The following TNKS variants were observed in gnomAD, a reference collection of about 807,000 sequenced individuals.
The protein encoded by TNKS is poly [ADP-ribose] polymerase tankyrase-1.
Under a neutral mutation model 135.8 loss-of-function variants are expected in TNKS, and 72 were observed. That is an observed-to-expected ratio of 0.53 (90% CI 0.44 to 0.64). The LOEUF (loss-of-function observed/expected upper bound fraction) is 0.64. TNKS is among the 30% of genes least tolerant of loss of function. TNKS has a pLI of 0.00. For missense variants in TNKS, 1,769 were observed against 1,674.0 expected (o/e 1.06, Z -0.99); for synonymous variants, 849 against 649.3 (o/e 1.31, Z -4.68).
intron 13 of TNKS, among the ~76,000 whole-genome samples, chr8:9,727,973 A>T (rs10903318): frequency 0.7 from 106,617 of 152,122 alleles, 37,906 homozygotes; most frequent in Admixed American, 0.8. Flanking sequence ...ATAAAAGAAA[A>T]TTCTTAAATA....
chr8:9,740,706 T>C (rs974893156), intron 17 of TNKS, among the ~76,000 whole-genome samples: 1 of 152,182 alleles, frequency 6.6e-6, no homozygotes, highest in Non-Finnish European at 1.5e-5. Flanking sequence ...GTAGAAATTT[T>C]AACCTTCCTT....
intron 2 of TNKS, among the ~76,000 whole-genome samples, chr8:9,613,168 A>G (rs1490634824): frequency 2.0e-5 from 3 of 152,228 alleles, no homozygotes; most frequent in Non-Finnish European, 4.4e-5. Flanking sequence ...GAGACCAAAT[A>G]GTCCGTAAAG....
chr8:9,580,597 C>G (rs1029919568), intron 2 of TNKS, among the ~76,000 whole-genome samples: 1 of 152,070 alleles, frequency 6.6e-6, no homozygotes, highest in Non-Finnish European at 1.5e-5. Flanking sequence ...AGTCAAATGC[C>G]TATTGATGTG....
intron 5 of TNKS, among the ~76,000 whole-genome samples, chr8:9,683,523 A>G (rs535327692): frequency 1.3e-5 from 2 of 152,044 alleles, no homozygotes; most frequent in African/African-American, 4.8e-5. Context: ...TGCTTAACTG[A>G]GCCCTTTTCT....
intron 2 of TNKS, among the ~76,000 whole-genome samples, chr8:9,585,900 C>A (rs544104623): frequency 4.2e-4 from 64 of 152,032 alleles, no homozygotes; most frequent in Non-Finnish European, 7.9e-4. Flanking sequence ...AATGGCATTA[C>A]GTAATAGTGG....
chr8:9,639,205 T>A (rs1377592938), intron 3 of TNKS, among the ~76,000 whole-genome samples: 1 of 152,168 alleles, frequency 6.6e-6, no homozygotes, highest in Non-Finnish European at 1.5e-5. Flanking sequence ...TTGTAAATTC[T>A]TGAAGCTTAA....
chr8:9,706,403 A>T (rs549542312), intron 7 of TNKS, 150 bp downstream of exon 7: 2 of 627,798 alleles, frequency 3.2e-6, no homozygotes, highest in African/African-American at 1.9e-5. Flanking sequence ...TTGCCCTGTC[A>T]CCCAGGCTGG....
intron 3 of TNKS, among the ~76,000 whole-genome samples, chr8:9,651,637 G>A (rs1465721712): frequency 6.6e-6 from 1 of 152,196 alleles, no homozygotes; most frequent in Non-Finnish European, 1.5e-5. Context: ...ATCTGTTCGG[G>A]AGGCAGGAGG....
At chr8:9,656,979 T>C (rs1458341183) in intron 3 of TNKS, among the ~76,000 whole-genome samples, 3 of 130,446 alleles carry the variant, frequency 2.3e-5, no homozygotes, top group East Asian at 4.5e-4. Flanking sequence ...GAGGAATTTT[T>C]CTTAGTGCAG....
chr8:9,632,804 G>A (rs1337290870), intron 3 of TNKS, among the ~76,000 whole-genome samples: 7 of 152,004 alleles, frequency 4.6e-5, no homozygotes, highest in African/African-American at 1.7e-4. Context: ...ATCTCAGCTC[G>A]CTGCAAGCTC....
At chr8:9,670,941 G>C (rs1179921264) in intron 3 of TNKS, 1 of 152,160 alleles carries the variant, frequency 6.6e-6, no homozygotes, top group East Asian at 1.9e-4. Flanking sequence ...GATAGAAAAT[G>C]CTGGTTTTTT....
At chr8:9,695,507 A>G (rs564639908) in intron 5 of TNKS, among the ~76,000 whole-genome samples, 141 of 152,272 alleles carry the variant, frequency 9.3e-4, no homozygotes, top group African/African-American at 3.2e-3. Context: ...GAGATTGCTT[A>G]TGGCCTTCTA....
intron 1 of TNKS, chr8:9,558,919 G>A (rs1044195992): frequency 6.6e-6 from 1 of 152,056 alleles, no homozygotes; most frequent in Non-Finnish European, 1.5e-5. Context: ...TCATGTATAG[G>A]CTGAGAAATG....
At chr8:9,731,485 C>T (rs1163171064) in intron 14 of TNKS, among the ~76,000 whole-genome samples, 2 of 100,078 alleles carry the variant, frequency 2.0e-5, no homozygotes, top group African/African-American at 3.5e-5. Flanking sequence ...AAAAAAAAAA[C>T]ATAGAAATGT....
chr8:9,752,768 A>G (rs1032367054), intron 20 of TNKS, 142 bp downstream of exon 20: 5 of 527,024 alleles, frequency 9.5e-6, no homozygotes, highest in Non-Finnish European at 1.6e-5. Flanking sequence ...CAGCCTGGGC[A>G]ACAAAGCGAG....
intron 5 of TNKS, among the ~76,000 whole-genome samples, chr8:9,686,920 T>C (rs1053098674): frequency 1.0e-4 from 15 of 146,318 alleles, no homozygotes; most frequent in Non-Finnish European, 2.2e-4. Flanking sequence ...CTTTCGACTC[T>C]AACATTTCAA....
Position 9,590,552 on chromosome 8 carries a change from C to G in TNKS, c.898+10169C>G, listed in dbSNP as rs555779739. On this transcript the variant is annotated intron_variant, in intron 2 of 26. Transcript: ENST00000310430. ...CTTAATATAAACACAGGAACCTACT[C>G]TGCCTTACTTTGCACCACATCCCTG... Among the ~76,000 whole-genome samples, 5 of 152,342 alleles carry G rather than the reference C, an allele frequency of 3.3e-5. 1 individual carries two copies. Among genetic ancestry groups the G allele is most frequent in the African/African-American group, 7.2e-5 (3 of 41,594 alleles).
intron 3 of TNKS, among the ~76,000 whole-genome samples, chr8:9,639,133 T>C (rs1800629343): frequency 6.6e-6 from 1 of 152,196 alleles, no homozygotes; most frequent in Admixed American, 6.5e-5. Flanking sequence ...TATTGTCCAG[T>C]AGTGTGATAT....
At chr8:9,615,801 C>A (rs1328626225) in intron 3 of TNKS, 124 bp downstream of exon 3, 3 of 666,680 alleles carry the variant, frequency 4.5e-6, no homozygotes, top group East Asian at 5.7e-5. Context: ...CTGCCATTAT[C>A]TACTACTTTA....
Sources: allele counts gnomAD v4.1 joint callset (sites outside exome capture counted in the v4.1 genomes callset), GRCh38; gene constraint gnomAD v4.1.1; transcripts MANE v1.5; gene names NCBI Gene and HGNC (gene_info 2026-07-23, HGNC 2026-07-21).